Variants in ZFPM2 observed in about 807,000 individuals in gnomAD.
ZFPM2 encodes zinc finger protein, FOG family member 2, also known as zinc finger protein ZFPM2.
ZFPM2 carries 20 observed loss-of-function variants against 98.6 expected under a neutral mutation model. The ratio of observed to expected loss-of-function variants is 0.20; its 90% CI spans 0.14 to 0.29. ZFPM2 has a LOEUF of 0.29. ZFPM2 is among the 10% of genes least tolerant of loss of function. The probability of loss-of-function intolerance (pLI) is 1.00; values close to 1 mark genes in which losing one functional copy is unlikely to be tolerated. For missense variants in ZFPM2, 1,310 were observed against 1,388.6 expected (o/e 0.94, Z 0.90); for synonymous variants, 518 against 502.7 (o/e 1.03, Z -0.41).
intron 5 of ZFPM2, among the ~76,000 whole-genome samples, chr8:105,699,495 T>A (rs548671992): frequency 4.1e-4 from 63 of 152,126 alleles, no homozygotes; most frequent in Non-Finnish European, 8.1e-4. Flanking sequence ...TAGTTTGGAG[T>A]ATTGTTTTGA....
intron 5 of ZFPM2, among the ~76,000 whole-genome samples, chr8:105,773,715 A>G (rs2131095761): frequency 6.6e-6 from 1 of 151,654 alleles, no homozygotes; most frequent in African/African-American, 2.4e-5. Flanking sequence ...AATAAAATAA[A>G]CAAAACCCCC....
At chr8:105,763,429 G>A (rs1181767240) in intron 5 of ZFPM2, among the ~76,000 whole-genome samples, 1 of 151,768 alleles carries the variant, frequency 6.6e-6, no homozygotes, top group Non-Finnish European at 1.5e-5. Context: ...TACCTTCTGG[G>A]ACAATACCTC....
At chr8:105,645,418 G>T (rs891783771) in intron 5 of ZFPM2, among the ~76,000 whole-genome samples, 6 of 152,114 alleles carry the variant, frequency 3.9e-5, no homozygotes, top group African/African-American at 1.4e-4. Flanking sequence ...GGACATTTGG[G>T]AAGGGATATG....
chr8:105,499,276 G>A (rs1813539330), intron 3 of ZFPM2, among the ~76,000 whole-genome samples: 3 of 151,168 alleles, frequency 2.0e-5, no homozygotes, highest in Admixed American at 2.0e-4. Context: ...GGGTGGAGCT[G>A]GGAGAGAAAA....
intron 6 of ZFPM2, chr8:105,795,729 A>AACTT: frequency 2.6e-6 from 1 of 379,314 alleles, no homozygotes; most frequent in East Asian, 7.3e-5. Flanking sequence ...AATTGAACTT[A>AACTT]ACTTAGTTTG....
chr8:105,622,873 A>G (rs552899014), intron 4 of ZFPM2, among the ~76,000 whole-genome samples: 68 of 152,276 alleles, frequency 4.5e-4, no homozygotes, highest in African/African-American at 1.6e-3. Context: ...CTGAATCCTG[A>G]TATTAATATA....
intron 5 of ZFPM2, among the ~76,000 whole-genome samples, chr8:105,734,706 C>T (rs1260052326): frequency 1.3e-5 from 2 of 151,902 alleles, no homozygotes; most frequent in African/African-American, 4.8e-5. Flanking sequence ...AGCAATTCTA[C>T]TTAGCAAAGC....
At chr8:105,763,564 A>G (rs1467151567) in intron 5 of ZFPM2, among the ~76,000 whole-genome samples, 2 of 151,848 alleles carry the variant, frequency 1.3e-5, no homozygotes, top group Admixed American at 6.6e-5. Flanking sequence ...TCTGTGTTCA[A>G]CCTTGTGCTA....
At position 105,341,237 on chromosome 8, in the gene ZFPM2, GA is replaced by G. The variant is rs148608271; in HGVS notation, c.40+22259del. ...CCAAAATAATTATATTGGCTCTCAG[GA>G]AACTCAGTCCAATGCACTTTGATTT... On this transcript the variant is annotated intron_variant, in intron 1 of 7. Coordinates refer to ENST00000407775, the MANE Select transcript of ZFPM2 (RefSeq NM_012082.4). Among the ~76,000 whole-genome samples the G allele has an allele frequency of 9.0e-3, 1,374 of 151,914 alleles. 17 individuals are homozygous for G. The highest frequency in any genetic ancestry group is 0.032 in the African/African-American group (1,308 of 41,482).
At chr8:105,768,814 CA>C (rs1256687070) in intron 5 of ZFPM2, among the ~76,000 whole-genome samples, 1 of 145,632 alleles carries the variant, frequency 6.9e-6, no homozygotes, top group Non-Finnish European at 1.5e-5. Flanking sequence ...CATGTGAAAA[CA>C]AATACATACA....
In ZFPM2 at chr8:105,336,688, C is replaced by CCT. The variant is rs1554595526; in HGVS notation, c.40+17708_40+17709insTC. 6.1e-3 allele frequency among the ~76,000 whole-genome samples: 863 copies of CCT among 142,250 alleles called. 8 individuals are homozygous for CCT. The highest frequency in any genetic ancestry group is 0.027 in the South Asian group (115 of 4,274). The allele number at this position is 142,250 out of a possible 152,430, so 93.3% of individuals were successfully genotyped here. ...GATTGATATTAAAATGTAATATACT[C>CCT]CACACACACACACACACACACACAC... On this transcript the variant is annotated intron_variant, in intron 1 of 7. Transcript: ENST00000407775.
At chr8:105,362,128 A>G (rs1270556662) in intron 1 of ZFPM2, among the ~76,000 whole-genome samples, 1 of 152,084 alleles carries the variant, frequency 6.6e-6, no homozygotes, top group African/African-American at 2.4e-5. Flanking sequence ...ATGTATAAGG[A>G]TAATATTTGT....
intron 5 of ZFPM2, among the ~76,000 whole-genome samples, chr8:105,759,289 C>T (rs930509229): frequency 1.3e-5 from 2 of 152,108 alleles, no homozygotes; most frequent in Non-Finnish European, 1.5e-5. Context: ...GGATTTTCCA[C>T]ATTCACAGTA....
chr8:105,780,829 G>A (rs1388999197), intron 5 of ZFPM2, among the ~76,000 whole-genome samples: 1 of 152,188 alleles, frequency 6.6e-6, no homozygotes, highest in East Asian at 1.9e-4. Context: ...GCAGTAAGCC[G>A]AGATCGTGCC....
At chr8:105,334,361 A>G (rs1329063232) in intron 1 of ZFPM2, among the ~76,000 whole-genome samples, 2 of 151,676 alleles carry the variant, frequency 1.3e-5, no homozygotes, top group African/African-American at 2.4e-5. Flanking sequence ...GAGAATAGCT[A>G]TAATGATAAA....
chr8:105,723,348 G>GT (rs1811717234), intron 5 of ZFPM2, among the ~76,000 whole-genome samples: 1 of 151,726 alleles, frequency 6.6e-6, no homozygotes, highest in Non-Finnish European at 1.5e-5. Flanking sequence ...TCCAGACTTC[G>GT]TGACGTTCTG....
At chr8:105,697,061 T>C (rs1030960240) in intron 5 of ZFPM2, among the ~76,000 whole-genome samples, 1 of 152,234 alleles carries the variant, frequency 6.6e-6, no homozygotes, top group Admixed American at 6.5e-5. Flanking sequence ...CAATTTTCTG[T>C]GAACACATGA....
intron 5 of ZFPM2, among the ~76,000 whole-genome samples, chr8:105,707,006 CA>C (rs1297402100): frequency 2.0e-5 from 3 of 151,868 alleles, no homozygotes; most frequent in African/African-American, 7.3e-5. Flanking sequence ...TTTGGAAGGC[CA>C]AGGTGGGAGG....
chr8:105,684,933 C>T (rs1260303770), intron 5 of ZFPM2: 1 of 152,012 alleles, frequency 6.6e-6, no homozygotes, highest in Non-Finnish European at 1.5e-5. Context: ...ATTCCTAAAA[C>T]AACACAAGAA....
Sources: gnomAD v4.1 joint callset for allele counts (sites outside exome capture counted in the v4.1 genomes callset) on GRCh38, gnomAD v4.1.1 for gene constraint, MANE v1.5 for transcripts, NCBI Gene and HGNC (gene_info 2026-07-23, HGNC 2026-07-21) for gene names.